The following MCPH1 variants were observed in gnomAD, a reference collection of about 807,000 sequenced individuals.
The protein encoded by MCPH1 is microcephalin.
Under a neutral mutation model 84.5 loss-of-function variants are expected in MCPH1, and 104 were observed. That is an observed-to-expected ratio of 1.23 (90% confidence interval 1.05 to 1.45). The LOEUF (loss-of-function observed/expected upper bound fraction) is 1.45, where lower values mean the gene tolerates loss of function less well. Ranked by LOEUF, MCPH1 falls within the 40% of genes most tolerant of loss-of-function variation. The pLI is 0.00. For synonymous variants in MCPH1, 514 were observed against 366.8 expected, an observed-to-expected ratio of 1.40 and a Z score of -4.58; for missense variants, 1,498 against 1,005.7, an observed-to-expected ratio of 1.49 and a Z score of -6.62.
intron 2 of MCPH1, among the ~76,000 whole-genome samples, chr8:6,410,772 G>C (rs895390967): frequency 6.6e-6 from 1 of 152,118 alleles, no homozygotes; most frequent in African/African-American, 2.4e-5. Context: ...CTAAGCTGTG[G>C]GGAAAAATGA....
intron 12 of MCPH1, among the ~76,000 whole-genome samples, chr8:6,553,854 G>A (rs984228843): frequency 2.0e-5 from 3 of 152,078 alleles, no homozygotes; most frequent in African/African-American, 4.8e-5. Context: ...GGCACTGGCT[G>A]TGGATTTACA....
chr8:6,631,912 A>G (rs1391176980), intron 13 of MCPH1, among the ~76,000 whole-genome samples: 3 of 152,260 alleles, frequency 2.0e-5, no homozygotes, highest in Admixed American at 1.3e-4. Flanking sequence ...ATTGTTCACA[A>G]TAGCCAAAAG....
intron 12 of MCPH1, among the ~76,000 whole-genome samples, chr8:6,564,634 C>T (rs112654618): frequency 3.9e-5 from 6 of 152,320 alleles, no homozygotes; most frequent in African/African-American, 1.4e-4. Context: ...CGCTGAATAG[C>T]TGGTACACTG....
intron 12 of MCPH1, among the ~76,000 whole-genome samples, chr8:6,576,654 C>A (rs898800989): frequency 1.3e-4 from 18 of 134,946 alleles, no homozygotes; most frequent in African/African-American, 4.9e-4. Context: ...ATTACAGGTG[C>A]CCGCCACCAC....
intron 11 of MCPH1, among the ~76,000 whole-genome samples, chr8:6,498,084 C>G (rs1049362611): frequency 6.6e-6 from 1 of 152,120 alleles, no homozygotes; most frequent in Non-Finnish European, 1.5e-5. Flanking sequence ...AGATGCAGTT[C>G]CTATTTAAAT....
chr8:6,498,339 TTCGGCCAATGAAAC>T (rs1811520461), intron 11 of MCPH1, among the ~76,000 whole-genome samples: 1 of 152,228 alleles, frequency 6.6e-6, no homozygotes, highest in African/African-American at 2.4e-5. Context: ...TAAAGATGTG[TTCGGCCAATGAAAC>T]TACTAGAGCA....
At position 6,626,353 on chromosome 8, in the gene MCPH1, C is replaced by T. The variant is rs906954220; in HGVS notation, c.2452+4662C>T. The stretch of plus-strand genomic sequence containing the variant: ...GGGGTTATCGGAAAGGGCATGATTA[C>T]GTTCCCTCTTCATTCCCTGGAGTCT... On this transcript the variant is annotated intron_variant, in intron 13 of 13. Coordinates refer to ENST00000344683, the MANE Select transcript of MCPH1 (RefSeq NM_024596.5). The T allele has an allele frequency of 9.7e-5, 96 of 985,242 alleles. No individual in the cohort carries two copies. In the South Asian group the frequency reaches 1.8e-3, roughly 18 times the overall value. 61.0% of individuals were successfully genotyped at this position (985,242 alleles called of 1,614,324 possible).
At position 6,466,511 on chromosome 8, in the gene MCPH1, A is replaced by G. The variant is rs569905383; in HGVS notation, c.1936-11083A>G. 5.9e-5 allele frequency among the ~76,000 whole-genome samples: 9 copies of G among 152,288 alleles called. No homozygotes were observed. The East Asian group carries it at 1.7e-3, about 29-fold the overall frequency. On this transcript the variant is annotated intron_variant, in intron 9 of 13. Coordinates refer to ENST00000344683, the MANE Select transcript of MCPH1 (RefSeq NM_024596.5). The stretch of plus-strand genomic sequence containing the variant: ...TTCGGTAGCAACGAGGTTTCGCCGT[A>G]TTAGCCAGGATGGTCTCACTCTCCT...
chr8:6,614,178 T>A (rs1830566768), intron 12 of MCPH1, among the ~76,000 whole-genome samples: 1 of 152,238 alleles, frequency 6.6e-6, no homozygotes, highest in Non-Finnish European at 1.5e-5. Flanking sequence ...TGGGTCTGAC[T>A]TCACCTCTTT....
intron 12 of MCPH1, among the ~76,000 whole-genome samples, chr8:6,541,058 A>G (rs1821466104): frequency 1.3e-5 from 2 of 152,256 alleles, no homozygotes; most frequent in African/African-American, 4.8e-5. Context: ...GGGTGTCCCG[A>G]GGCAGCTTGG....
intron 12 of MCPH1, among the ~76,000 whole-genome samples, chr8:6,555,463 C>T (rs1307657233): frequency 3.6e-5 from 5 of 140,634 alleles, no homozygotes; most frequent in Non-Finnish European, 5.9e-5. Flanking sequence ...GGGTGGTTTG[C>T]CCTTTTTTTT....
chr8:6,476,692 G>A (rs1240790353), intron 9 of MCPH1, among the ~76,000 whole-genome samples: 1 of 152,048 alleles, frequency 6.6e-6, no homozygotes, highest in Non-Finnish European at 1.5e-5. Flanking sequence ...TGTCATTTTC[G>A]TCAACCCTGG....
intron 12 of MCPH1, chr8:6,501,968 T>C (rs1022972011): frequency 6.6e-6 from 1 of 151,968 alleles, no homozygotes; most frequent in Admixed American, 6.6e-5. Flanking sequence ...ATAAAAAAAC[T>C]TACTAGTGTC....
intron 8 of MCPH1, among the ~76,000 whole-genome samples, chr8:6,453,854 G>A (rs1332334056): frequency 6.6e-6 from 1 of 152,182 alleles, no homozygotes; most frequent in African/African-American, 2.4e-5. Context: ...ACTGGTTTGA[G>A]TCTCGAGTGG....
chr8:6,524,152 T>C (rs982046304), intron 12 of MCPH1, among the ~76,000 whole-genome samples: 10 of 152,224 alleles, frequency 6.6e-5, no homozygotes, highest in Non-Finnish European at 1.5e-4. Context: ...ACACATGAAT[T>C]TGCACATTGC....
chr8:6,519,850 G>C (rs1563334339), intron 12 of MCPH1: 1 of 1,613,238 alleles, frequency 6.2e-7, no homozygotes, highest in Non-Finnish European at 8.5e-7. Context: ...AGTAAGGGGA[G>C]ACGAATACCT....
rs1831415783 is a variant in MCPH1 at position 6,621,544 on chromosome 8, AG to A, written c.2306del (p.Ser769ThrfsTer10). On this transcript the variant is annotated frameshift_variant, in exon 13 of 14. Transcript: ENST00000344683. LOFTEE classifies it high-confidence loss of function. ...AGCGATGTTTGTCTCGCCTGCCAGC[AG>A]CCCCCCAGTGGCCAAGCTCTGTGAA... ...QPAMFVSPASSPPVAKLCELV... is the reference protein window; with the variant it reads ...QPAMFVSPASXPPVAKLCELV... 1.2e-6 allele frequency: 2 copies of A among 1,614,050 alleles called. No individual in the cohort carries two copies. Among genetic ancestry groups the A allele is most frequent in the East Asian group, 2.2e-5 (1 of 44,890 alleles).
chr8:6,531,677 C>G (rs1819543649), intron 12 of MCPH1, among the ~76,000 whole-genome samples: 2 of 152,324 alleles, frequency 1.3e-5, no homozygotes, highest in South Asian at 4.1e-4. Flanking sequence ...TTAGCAATCA[C>G]TTGTCTGGCC....
intron 12 of MCPH1, among the ~76,000 whole-genome samples, chr8:6,602,534 C>T (rs984797450): frequency 3.3e-5 from 5 of 152,012 alleles, no homozygotes; most frequent in Admixed American, 6.6e-5. Context: ...TGAGTGGCGG[C>T]GGCTGGGCTG....
Sources: allele counts gnomAD v4.1 joint callset (sites outside exome capture counted in the v4.1 genomes callset), GRCh38; gene constraint gnomAD v4.1.1; transcripts MANE v1.5; gene names NCBI Gene and HGNC (gene_info 2026-07-23, HGNC 2026-07-21).